IQSEC1: variants seen among roughly 807,000 people sequenced by gnomAD.
IQSEC1 encodes the protein IQ motif and SEC7 domain-containing protein 1.
In IQSEC1, 31 loss-of-function variants were observed where a neutral mutation model predicts 91.0. The observed-to-expected ratio is 0.34, with a 90% CI of 0.26 to 0.46. The LOEUF is 0.46. Ranked by LOEUF, IQSEC1 falls within the 20% of genes least tolerant of loss-of-function variation. The probability of loss-of-function intolerance (pLI) is 1.00; values close to 1 mark genes in which losing one functional copy is unlikely to be tolerated. For missense variants in IQSEC1, 1,388 were observed against 1,575.6 expected, an observed-to-expected ratio of 0.88 and a Z score of 2.02; for synonymous variants, 699 against 662.6, an observed-to-expected ratio of 1.05 and a Z score of -0.84.
intron 1 of IQSEC1, among the ~76,000 whole-genome samples, chr3:12,996,061 T>C (rs1394264262): frequency 6.6e-6 from 1 of 152,066 alleles, no homozygotes; most frequent in Non-Finnish European, 1.5e-5. Flanking sequence ...CTCGGGAGGC[T>C]GAGGCAAGAG....
chr3:12,936,252 G>A lies in IQSEC1; in HGVS notation c.764C>T (p.Pro255Leu), dbSNP rs201771792. 117 of 1,613,158 alleles carry A rather than the reference G, an allele frequency of 7.3e-5. No homozygotes were observed. Among genetic ancestry groups the A allele is most frequent in the Middle Eastern group, 1.6e-4 (1 of 6,084 alleles). ...NCRSLHTEEA[P>L]ALDAARARDT... ...CCGGGCCCGCGCCGCATCCAGGGCCGGTGCCTCCTCAGTGTGCAGGCTGCG... is the reference window on the plus strand; with the variant it reads ...CCGGGCCCGCGCCGCATCCAGGGCCAGTGCCTCCTCAGTGTGCAGGCTGCG... The change falls in exon 3 of 14, where the codon CCG becomes CTG. Residue 255 changes from proline to leucine, a missense_variant. By Grantham distance (98) the Pro-to-Leu change is moderately conservative. This residue lies in a region of IQSEC1 where 1,059 missense variants were observed against 1,317.8 expected (regional missense o/e 0.80). Transcript: ENST00000613206.
intron 1 of IQSEC1, among the ~76,000 whole-genome samples, chr3:13,270,319 A>T (rs1049903095): frequency 6.6e-6 from 1 of 152,274 alleles, no homozygotes; most frequent in Non-Finnish European, 1.5e-5. Flanking sequence ...ATGATGGATT[A>T]ATTGACTTGC....
intron 1 of IQSEC1, among the ~76,000 whole-genome samples, chr3:13,213,100 G>A (rs1350450992): frequency 6.6e-6 from 1 of 152,164 alleles, no homozygotes; most frequent in Non-Finnish European, 1.5e-5. Flanking sequence ...TGCTTTTCAT[G>A]TCATGTCTAA....
At chr3:13,066,524 C>G (rs1033470791) in intron 1 of IQSEC1, among the ~76,000 whole-genome samples, 6 of 152,252 alleles carry the variant, frequency 3.9e-5, no homozygotes, top group African/African-American at 1.4e-4. Flanking sequence ...AAGAAGGGCA[C>G]TCCCGGCAGA....
chr3:12,899,231 G>C lies in IQSEC1; in HGVS notation c.*1752C>G. ...AGCCAGCCAAGGTGACACACAGCCAGAGGGGGCTCCCCTCTCCTCCTGCCG... is the reference window on the plus strand; with the variant it reads ...AGCCAGCCAAGGTGACACACAGCCACAGGGGGCTCCCCTCTCCTCCTGCCG... On this transcript the variant is annotated 3_prime_UTR_variant, in exon 14 of 14. Coordinates refer to ENST00000613206, the MANE Select transcript of IQSEC1 (RefSeq NM_001134382.3). 1 of 767,612 alleles carries C rather than the reference G, an allele frequency of 1.3e-6. No individual in the cohort carries two copies. Among genetic ancestry groups the C allele is most frequent in the Non-Finnish European group, 2.1e-6 (1 of 476,524 alleles). 47.6% of individuals were successfully genotyped at this position (767,612 alleles called of 1,614,324 possible).
At chr3:13,209,225 C>G (rs1694400756) in intron 1 of IQSEC1, among the ~76,000 whole-genome samples, 1 of 152,222 alleles carries the variant, frequency 6.6e-6, no homozygotes, top group Middle Eastern at 3.2e-3. Context: ...AAACTAAACC[C>G]TCCCATTCCC....
chr3:13,257,591 C>T (rs1695313821), intron 1 of IQSEC1, among the ~76,000 whole-genome samples: 1 of 152,168 alleles, frequency 6.6e-6, no homozygotes, highest in Admixed American at 6.5e-5. Context: ...CGTTTGAGCT[C>T]ACTTGAGACC....
intron 1 of IQSEC1, among the ~76,000 whole-genome samples, chr3:13,247,301 A>G (rs1695124817): frequency 6.6e-6 from 1 of 152,076 alleles, no homozygotes; most frequent in South Asian, 2.1e-4. Flanking sequence ...CTCTGCTGCC[A>G]TTCTGTTCCC....
chr3:13,015,771 G>C lies in IQSEC1; in HGVS notation c.23+57221C>G, dbSNP rs1559720719. 3.1e-6 allele frequency: 3 copies of C among 981,140 alleles called. No homozygotes were observed. In the East Asian group the frequency reaches 3.4e-4, roughly 112 times the overall value. The allele number at this position is 981,140 out of a possible 1,614,324, so 60.8% of individuals were successfully genotyped here. On this transcript the variant is annotated intron_variant, in intron 1 of 13. Coordinates refer to ENST00000613206, the MANE Select transcript of IQSEC1 (RefSeq NM_001134382.3). ...GGCACCCTGGGGCCCCCGCCCACCT[G>C]CCCTCCAAAAGGCCCCCAGGCACTG...
At chr3:13,192,573 C>A (rs536270510) in intron 1 of IQSEC1, among the ~76,000 whole-genome samples, 1 of 152,286 alleles carries the variant, frequency 6.6e-6, no homozygotes, top group East Asian at 1.9e-4. Context: ...AGCGCCAGGA[C>A]CACCTGCCGT....
rs1351380798 is a variant in IQSEC1, at chr3:13,234,475, G to GCTGGGAGAC, written c.272+48235_272+48236insGTCTCCCAG. 2.0e-5 allele frequency among the ~76,000 whole-genome samples: 3 copies of GCTGGGAGAC among 152,322 alleles called. No individual in the cohort carries two copies. In the East Asian group the frequency reaches 5.8e-4, roughly 29 times the overall value. On this transcript the variant is annotated intron_variant, in intron 1 of 15. Coordinates refer to the IQSEC1 transcript ENST00000648114. ...CAGCAGGAAGCCTGGGGTCGAACCT[G>GCTGGGAGAC]CCCCTGGGAGACCCCCTCCCTTCCC...
chr3:12,935,294 A>T lies in IQSEC1; in HGVS notation c.1568+154T>A, dbSNP rs551904016. ...GCTAGGCCTCAGCGCACAGGCTGGCACCGTCCTAGCCACCGACCTTGTGTG... is the reference window on the plus strand; with the variant it reads ...GCTAGGCCTCAGCGCACAGGCTGGCTCCGTCCTAGCCACCGACCTTGTGTG... On this transcript the variant is annotated intron_variant, in intron 3 of 13. Transcript: ENST00000613206. The surrounding 1 kb of genome is among the most constrained non-coding windows in gnomAD (Gnocchi z 8.0). Among the ~76,000 whole-genome samples the T allele has an allele frequency of 1.3e-5, 2 of 152,326 alleles. No individual in the cohort carries two copies. Among genetic ancestry groups the T allele is most frequent in the South Asian group, 4.1e-4 (2 of 4,828 alleles).
At chr3:13,244,412 T>G (rs888129184) in intron 1 of IQSEC1, among the ~76,000 whole-genome samples, 4 of 152,158 alleles carry the variant, frequency 2.6e-5, no homozygotes, top group Non-Finnish European at 5.9e-5. Context: ...TTACAACAAT[T>G]ACACACCAAT....
At chr3:13,271,631 A>G (rs56912217) in intron 1 of IQSEC1, among the ~76,000 whole-genome samples, 7,497 of 151,980 alleles carry the variant, frequency 0.049, 613 homozygotes, top group African/African-American at 0.17. Flanking sequence ...CACCATCTCT[A>G]CAAAAATTTT....
upstream of IQSEC1, among the ~76,000 whole-genome samples, chr3:13,075,547 A>G (rs1348796254): frequency 6.6e-6 from 1 of 152,186 alleles, no homozygotes; most frequent in African/African-American, 2.4e-5. Context: ...GCTCCCTGGG[A>G]GGCCCATGAC....
At chr3:13,195,219 C>A (rs1329320856) in intron 1 of IQSEC1, among the ~76,000 whole-genome samples, 2 of 152,088 alleles carry the variant, frequency 1.3e-5, no homozygotes, top group African/African-American at 2.4e-5. Context: ...ACACAGATGG[C>A]AAATAAGCAG....
At chr3:12,937,444 A>G (rs1423663400) in intron 2 of IQSEC1, among the ~76,000 whole-genome samples, 1 of 152,222 alleles carries the variant, frequency 6.6e-6, no homozygotes, top group Non-Finnish European at 1.5e-5. Context: ...CACAGCATCA[A>G]CCAGGCAGCT....
In IQSEC1 at chr3:13,277,106, TAA is replaced by T. The variant is rs4034193; in HGVS notation, c.272+5603_272+5604del. Among the ~76,000 whole-genome samples the T allele has an allele frequency of 4.5e-3, 163 of 35,968 alleles. 1 individual carries two copies. The highest frequency in any genetic ancestry group is 0.014 in the African/African-American group (105 of 7,464). The allele number at this position is 35,968 out of a possible 152,430, so 23.6% of individuals were successfully genotyped here. ...AGTTAGGCAAAGCATTGCTCCTCCTTAAAAAAAAAAAAAAAAAAAAAAAAAAA... is the reference window on the plus strand; with the variant it reads ...AGTTAGGCAAAGCATTGCTCCTCCTTAAAAAAAAAAAAAAAAAAAAAAAAA... On this transcript the variant is annotated intron_variant, in intron 1 of 15. Transcript: ENST00000648114.
At chr3:12,920,281 C>T in intron 6 of IQSEC1, 149 bp downstream of exon 6, 1 of 743,914 alleles carries the variant, frequency 1.3e-6, no homozygotes, top group Admixed American at 2.4e-5. Flanking sequence ...ATCTGTGCTC[C>T]CCAAAGGCCC....
Sources: gnomAD v4.1 joint callset for allele counts (sites outside exome capture counted in the v4.1 genomes callset) on GRCh38, gnomAD v4.1.1 for gene constraint, gnomAD v4.1.1 regional missense constraint, Gnocchi (gnomAD v3.1) non-coding constraint, MANE v1.5 for transcripts, NCBI Gene and HGNC (gene_info 2026-07-23, HGNC 2026-07-21) for gene names.